Variants in CSN1S1 observed in about 807,000 individuals in gnomAD.
CSN1S1 encodes the protein alpha-S1-casein.
A neutral mutation model predicts 49.1 loss-of-function variants in CSN1S1; 63 were observed. The observed-to-expected ratio is 1.28, with a 90% CI of 1.05 to 1.58. The LOEUF (loss-of-function observed/expected upper bound fraction) is 1.58, where lower values mean the gene tolerates loss of function less well. Ranked by LOEUF, CSN1S1 falls within the 40% of genes most tolerant of loss-of-function variation. The pLI, the probability that CSN1S1 is intolerant of heterozygous loss-of-function variation, is 0.00. For missense variants in CSN1S1, 260 were observed against 224.7 expected (o/e 1.16, Z -1.01); for synonymous variants, 78 against 67.1 (o/e 1.16, Z -0.79).
At chr4:69,933,000 A>C (rs1048714067) in intron 2 of CSN1S1, among the ~76,000 whole-genome samples, 9 of 151,952 alleles carry the variant, frequency 5.9e-5, no homozygotes, top group African/African-American at 2.2e-4. Context: ...TTCTTTACCA[A>C]ATATAACACA....
chr4:69,934,339 A>G, intron 3 of CSN1S1, 95 bp downstream of exon 3: 1 of 1,207,774 alleles, frequency 8.3e-7, no homozygotes, highest in South Asian at 1.3e-5. Context: ...AGCCTGCTTC[A>G]CTTTTGCTGA....
intron 9 of CSN1S1, among the ~76,000 whole-genome samples, chr4:69,938,162 C>G (rs1722856900): frequency 6.6e-6 from 1 of 151,544 alleles, no homozygotes; most frequent in Non-Finnish European, 1.5e-5. Flanking sequence ...AAATGAGAGT[C>G]CCACAGAACA....
At chr4:69,935,986 C>T (rs752378982) in intron 5 of CSN1S1, 37 bp downstream of exon 5, 39 of 1,478,434 alleles carry the variant, frequency 2.6e-5, no homozygotes, top group Admixed American at 4.0e-5. Flanking sequence ...GTGCAATTAA[C>T]AAAGAGAAGT....
At position 69,937,825 on chromosome 4, in the gene CSN1S1, T is replaced by C. The variant is rs760619712; in HGVS notation, c.243+2T>C. ...AACTGTGTTGTGGCAGAGCCTGAGG[T>C]AAGACCCATTCATTCTAGTGAACTC... On this transcript the variant is annotated splice_donor_variant, in intron 9 of 15. Coordinates refer to ENST00000246891, the MANE Select transcript of CSN1S1 (RefSeq NM_001890.2). LOFTEE classifies it high-confidence loss of function. 6.3e-7 allele frequency: 1 copy of C among 1,591,696 alleles called. No homozygotes were observed. Among genetic ancestry groups the C allele is most frequent in the East Asian group, 2.3e-5 (1 of 44,126 alleles).
chr4:69,938,206 T>G (rs1722859281), intron 9 of CSN1S1, among the ~76,000 whole-genome samples: 1 of 151,784 alleles, frequency 6.6e-6, no homozygotes, highest in Non-Finnish European at 1.5e-5. Context: ...GAGATTACTT[T>G]TTTATTTTAG....
chr4:69,935,424 C>T (rs1176450691), intron 4 of CSN1S1, among the ~76,000 whole-genome samples: 1 of 151,188 alleles, frequency 6.6e-6, no homozygotes, highest in Non-Finnish European at 1.5e-5. Context: ...GCGGCATGCA[C>T]TTGTGGTTCC....
chr4:69,936,654 G>T, intron 7 of CSN1S1, 47 bp downstream of exon 7: 1 of 1,519,458 alleles, frequency 6.6e-7, no homozygotes, highest in Non-Finnish European at 8.8e-7. Context: ...ATATATTCTT[G>T]TAGTAGAAAA....
At position 69,946,003 on chromosome 4, in the gene CSN1S1, G is replaced by A. The variant is rs1002259650; in HGVS notation, c.*-193G>A. ...ATACCACAAAACAAAATACAATTTAGTAATAAAAATGTCTTTGTAGCTTAA... is the reference window on the plus strand; with the variant it reads ...ATACCACAAAACAAAATACAATTTAATAATAAAAATGTCTTTGTAGCTTAA... On this transcript the variant is annotated intron_variant, in intron 15 of 15. Transcript: ENST00000246891. Among the ~76,000 whole-genome samples the A allele has an allele frequency of 2.0e-5, 3 of 151,904 alleles. 1 individual carries two copies. Among genetic ancestry groups the A allele is most frequent in the Admixed American group, 2.0e-4 (3 of 15,208 alleles).
intron 5 of CSN1S1, 72 bp from the exon 6 acceptor site, chr4:69,936,384 T>C (rs951621596): frequency 1.7e-6 from 2 of 1,153,682 alleles, no homozygotes; most frequent in African/African-American, 1.5e-5. Context: ...TGAAGTACAG[T>C]TTCTCATAGA....
chr4:69,937,810 T>C lies in CSN1S1; in HGVS notation c.230T>C (p.Val77Ala), dbSNP rs1331519656. 4 of 1,597,778 alleles carry C rather than the reference T, an allele frequency of 2.5e-6. No homozygotes were observed. The highest frequency in any genetic ancestry group is 3.4e-6 in the Non-Finnish European group (4 of 1,173,754). ...TRNESTQNCV[V>A]AEPEKMESSI... is the part of the protein sequence containing the mutation. ...TTTTTCTTTCTTAAGAACTGTGTTG[T>C]GGCAGAGCCTGAGGTAAGACCCATT... The change falls in exon 9 of 16, where the codon GTG (valine) becomes GCG (alanine). Residue 77 changes from valine to alanine, a missense_variant. By Grantham distance (64) the Val-to-Ala change is moderately conservative. Transcript: ENST00000246891.
At position 69,944,875 on chromosome 4, in the gene CSN1S1, C is replaced by T. The variant is rs775933971; in HGVS notation, c.428C>T (p.Ala143Val). The T allele has an allele frequency of 1.2e-6, 2 of 1,612,742 alleles. No individual in the cohort carries two copies. The highest frequency in any genetic ancestry group is 3.3e-5 in the Admixed American group (2 of 59,924). ...QVPFQQLNQL[A>V]AYPYAVWYYP... Reference sequence around the variant, plus strand: ...CCTTTCCAGCAGCTCAACCAACTTGCTGCCTACCCCTATGCTGTTTGGTAC... The same window carrying T: ...CCTTTCCAGCAGCTCAACCAACTTGTTGCCTACCCCTATGCTGTTTGGTAC... The change falls in exon 15 of 16, where the codon GCT (alanine) becomes GTT (valine). Residue 143 changes from alanine (A) to valine (V), a missense_variant. Coordinates refer to ENST00000246891, the MANE Select transcript of CSN1S1 (RefSeq NM_001890.2).
rs979796933 is a variant in CSN1S1 at position 69,935,496 on chromosome 4, G to A, written c.106-430G>A. Reference sequence around the variant, plus strand: ...GCATGGGCGGTTAAAGCTGCAATGAGTCGTGATAGCACAAGGGCAACAGAG... The same window carrying A: ...GCATGGGCGGTTAAAGCTGCAATGAATCGTGATAGCACAAGGGCAACAGAG... On this transcript the variant is annotated intron_variant, in intron 4 of 15. Coordinates refer to ENST00000246891, the MANE Select transcript of CSN1S1 (RefSeq NM_001890.2). Among the ~76,000 whole-genome samples the A allele has an allele frequency of 2.6e-5, 4 of 152,048 alleles. No homozygotes were observed. The East Asian group carries it at 7.7e-4, about 29-fold the overall frequency.
intron 11 of CSN1S1, among the ~76,000 whole-genome samples, chr4:69,940,587 G>T (rs1722941873): frequency 1.3e-5 from 2 of 151,646 alleles, no homozygotes; most frequent in Non-Finnish European, 3.0e-5. Context: ...ATGATGTAAA[G>T]CAATTAATGT....
intron 7 of CSN1S1, 45 bp downstream of exon 7, chr4:69,936,652 T>A: frequency 1.3e-6 from 2 of 1,525,026 alleles, no homozygotes; most frequent in Non-Finnish European, 1.8e-6. Context: ...GTATATATTC[T>A]TGTAGTAGAA....
intron 14 of CSN1S1, among the ~76,000 whole-genome samples, chr4:69,944,367 G>T (rs539488667): frequency 2.4e-4 from 36 of 151,960 alleles, no homozygotes; most frequent in Non-Finnish European, 4.4e-4. Context: ...CAGTGGCCTA[G>T]GAATTAAAGA....
At chr4:69,944,609 T>C (rs976736983) in intron 14 of CSN1S1, among the ~76,000 whole-genome samples, 1 of 151,990 alleles carries the variant, frequency 6.6e-6, no homozygotes, top group Non-Finnish European at 1.5e-5. Context: ...TTTTAAATAA[T>C]GTCCTTAAAA....
intron 15 of CSN1S1, among the ~76,000 whole-genome samples, chr4:69,945,352 T>C (rs9994880): frequency 0.083 from 12,635 of 152,086 alleles, 719 homozygotes; most frequent in East Asian, 0.17. Flanking sequence ...ATGACTTCCT[T>C]CTGGTTATAC....
chr4:69,933,908 G>A (rs991865114), intron 2 of CSN1S1, among the ~76,000 whole-genome samples: 1 of 151,750 alleles, frequency 6.6e-6, no homozygotes, highest in Non-Finnish European at 1.5e-5. Context: ...TATTATTCTG[G>A]ATTCAAACTA....
chr4:69,944,699 G>A, intron 14 of CSN1S1, 151 bp from the exon 15 acceptor site: 1 of 873,800 alleles, frequency 1.1e-6, no homozygotes, highest in Non-Finnish European at 1.8e-6. Flanking sequence ...CACCATAGAA[G>A]ATTTTGATTT....
Sources: gnomAD v4.1 joint callset for allele counts (sites outside exome capture counted in the v4.1 genomes callset) on GRCh38, gnomAD v4.1.1 for gene constraint, MANE v1.5 for transcripts, NCBI Gene and HGNC (gene_info 2026-07-23, HGNC 2026-07-21) for gene names.